CADM2: variants seen among roughly 807,000 people sequenced by gnomAD.
CADM2 encodes the protein immunoglobulin superfamily member 4D.
CADM2 carries 12 observed loss-of-function variants against 49.8 expected under a neutral mutation model. The observed-to-expected ratio is 0.24, with a 90% CI of 0.15 to 0.39. CADM2 has a LOEUF of 0.39. Ranked by LOEUF, CADM2 falls within the 10% of genes least tolerant of loss-of-function variation. The pLI is 1.00. For synonymous variants in CADM2, 214 were observed against 175.4 expected, an observed-to-expected ratio of 1.22 and a Z score of -1.74; for missense variants, 378 against 492.3, an observed-to-expected ratio of 0.77 and a Z score of 2.20.
At chr3:85,283,943 C>G (rs2043565036) in intron 1 of CADM2, among the ~76,000 whole-genome samples, 1 of 152,104 alleles carries the variant, frequency 6.6e-6, no homozygotes, top group African/African-American at 2.4e-5. Flanking sequence ...CCAAAGCAAA[C>G]TTTTGAAGCA....
intron 2 of CADM2, among the ~76,000 whole-genome samples, chr3:85,753,995 C>T (rs1425080169): frequency 6.6e-6 from 1 of 152,150 alleles, no homozygotes; most frequent in East Asian, 1.9e-4. Flanking sequence ...GTCTGATTTT[C>T]TTCTCCCTGG....
intron 1 of CADM2, among the ~76,000 whole-genome samples, chr3:85,448,314 CAG>C (rs1282935342): frequency 3.3e-5 from 4 of 122,456 alleles, no homozygotes; most frequent in Non-Finnish European, 6.5e-5. Context: ...GCCTGGGCGA[CAG>C]AGCAAGATTC....
intron 1 of CADM2, among the ~76,000 whole-genome samples, chr3:85,628,381 C>T (rs1047354232): frequency 1.3e-5 from 2 of 151,546 alleles, no homozygotes; most frequent in Admixed American, 1.3e-4. Flanking sequence ...TATTTCACTT[C>T]TGCAATCTAT....
intron 1 of CADM2, among the ~76,000 whole-genome samples, chr3:85,179,094 A>G (rs571008022): frequency 4.6e-5 from 7 of 152,130 alleles, no homozygotes; most frequent in Non-Finnish European, 8.8e-5. Context: ...AAGTGAAAAT[A>G]CAGTGATGCA....
intron 1 of CADM2, among the ~76,000 whole-genome samples, chr3:85,475,632 G>T (rs2038946297): frequency 6.6e-6 from 1 of 151,742 alleles, no homozygotes; most frequent in Admixed American, 6.6e-5. Context: ...CAAAGCATCT[G>T]ATTACTTGAT....
chr3:85,595,297 T>A (rs779857017), intron 1 of CADM2, among the ~76,000 whole-genome samples: 9 of 151,970 alleles, frequency 5.9e-5, no homozygotes, highest in Non-Finnish European at 1.3e-4. Flanking sequence ...TTTAGTACAG[T>A]AGAATATCCA....
At chr3:85,519,534 A>G (rs952936282) in intron 1 of CADM2, among the ~76,000 whole-genome samples, 14 of 152,140 alleles carry the variant, frequency 9.2e-5, no homozygotes, top group African/African-American at 3.4e-4. Flanking sequence ...TACCCAACAT[A>G]TTCATTGTAA....
chr3:85,081,893 A>C (rs2037178455), intron 1 of CADM2, among the ~76,000 whole-genome samples: 1 of 152,146 alleles, frequency 6.6e-6, no homozygotes, highest in Admixed American at 6.6e-5. Context: ...AAAATAATTC[A>C]GTTCCCAAGT....
chr3:85,372,892 T>C (rs1308920924), intron 1 of CADM2, among the ~76,000 whole-genome samples: 3 of 152,090 alleles, frequency 2.0e-5, no homozygotes, highest in African/African-American at 7.2e-5. Flanking sequence ...GAGAACAGCA[T>C]GGGAGAAACC....
chr3:85,861,429 G>T lies in CADM2; in HGVS notation c.239-21862G>T, dbSNP rs1275452058. Among the ~76,000 whole-genome samples the T allele has an allele frequency of 9.2e-5, 14 of 152,180 alleles. No homozygotes were observed. In the South Asian group the frequency reaches 2.9e-3, roughly 32 times the overall value. On this transcript the variant is annotated intron_variant, in intron 3 of 9. Coordinates refer to ENST00000383699, the MANE Select transcript of CADM2 (RefSeq NM_001167675.2). ...TTATGGCTTGAGAAAGGATGAAGTT[G>T]ACATAAAATGGAGTGGGAAAATTTC...
chr3:84,984,032 G>GATAT lies in CADM2; in HGVS notation c.61+24378_61+24381dup, dbSNP rs375979660. Among the ~76,000 whole-genome samples, 1,415 of 144,576 alleles carry GATAT rather than the reference G, an allele frequency of 9.8e-3. 19 individuals carry two copies. Among genetic ancestry groups the GATAT allele is most frequent in the African/African-American group, 0.014 (542 of 37,964 alleles). The allele number at this position is 144,576 out of a possible 152,430, so 94.8% of individuals were successfully genotyped here. Reference sequence around the variant, plus strand: ...TTTTCACAAATGGCTTCTTCATTGTGATATATATATATATATACACACACA... The same window carrying GATAT: ...TTTTCACAAATGGCTTCTTCATTGTGATATATATATATATATATATACACACACA... On this transcript the variant is annotated intron_variant, in intron 1 of 9. Transcript: ENST00000383699.
chr3:85,254,064 C>A (rs1023587855), intron 1 of CADM2, among the ~76,000 whole-genome samples: 1 of 152,082 alleles, frequency 6.6e-6, no homozygotes, highest in Admixed American at 6.6e-5. Context: ...AGGTTGTGAA[C>A]TGTACTTCTT....
rs1055866503 is a variant in CADM2 at position 86,047,297 on chromosome 3, G to A, written c.971-18308G>A. Among the ~76,000 whole-genome samples the A allele has an allele frequency of 2.3e-4, 35 of 152,156 alleles. 1 individual carries two copies. In the South Asian group the frequency reaches 6.4e-3, roughly 28 times the overall value. On this transcript the variant is annotated intron_variant, in intron 8 of 9. Transcript: ENST00000383699. ...TGGAAGTAATTTATGGGAAGGCATC[G>A]GGGAGAGTTACAATAGACATATTGC...
At chr3:85,520,742 T>TA (rs577391551) in intron 1 of CADM2, among the ~76,000 whole-genome samples, 166 of 152,146 alleles carry the variant, frequency 1.1e-3, no homozygotes, top group African/African-American at 3.8e-3. Context: ...ATACATTAAT[T>TA]AAAAAAATGA....
intron 1 of CADM2, among the ~76,000 whole-genome samples, chr3:85,379,294 C>A (rs2033765808): frequency 6.6e-6 from 1 of 151,850 alleles, no homozygotes; most frequent in African/African-American, 2.4e-5. Flanking sequence ...TCCAAAACTT[C>A]TTTTTAAAGT....
Position 85,787,148 on chromosome 3 carries a change from C to G in CADM2, c.89-14899C>G, listed in dbSNP as rs530769802. ...GACCAGCATCATTAATAACAAGGAA[C>G]TTACCAAGCCAATGCCATTTTAGAG... On this transcript the variant is annotated intron_variant, in intron 2 of 9. Coordinates refer to ENST00000383699, the MANE Select transcript of CADM2 (RefSeq NM_001167675.2). Among the ~76,000 whole-genome samples, 20 of 152,094 alleles carry G rather than the reference C, an allele frequency of 1.3e-4. No homozygotes were observed. The South Asian group carries it at 3.9e-3, about 30-fold the overall frequency.
At chr3:85,559,500 C>T in intron 1 of CADM2, among the ~76,000 whole-genome samples, 1 of 151,908 alleles carries the variant, frequency 6.6e-6, no homozygotes, top group East Asian at 1.9e-4. Context: ...GATATAGTAA[C>T]AAACATAAGC....
intron 1 of CADM2, among the ~76,000 whole-genome samples, chr3:85,678,309 T>C (rs139863328): frequency 1.2e-4 from 19 of 152,268 alleles, no homozygotes; most frequent in African/African-American, 3.4e-4. Context: ...AGGCCATCTT[T>C]TTTGTCATCC....
intron 1 of CADM2, among the ~76,000 whole-genome samples, chr3:85,312,393 C>T (rs982130814): frequency 4.6e-5 from 7 of 151,916 alleles, no homozygotes; most frequent in African/African-American, 1.7e-4. Flanking sequence ...GTGGTCCTAC[C>T]GGTAAGAGAC....
Sources: allele counts gnomAD v4.1 joint callset (sites outside exome capture counted in the v4.1 genomes callset), GRCh38; gene constraint gnomAD v4.1.1; transcripts MANE v1.5; gene names NCBI Gene and HGNC (gene_info 2026-07-23, HGNC 2026-07-21).